The following RGS6 variants were observed in gnomAD, a reference collection of about 807,000 sequenced individuals.
RGS6 encodes regulator of G protein signaling 6.
In RGS6, 30 loss-of-function variants were observed where a neutral mutation model predicts 78.5. The ratio of observed to expected loss-of-function variants is 0.38; its 90% CI spans 0.29 to 0.52. The LOEUF is 0.52. Among genes scored for constraint, RGS6 ranks in the 20% least tolerant of loss-of-function variants. RGS6 has a pLI of 0.85. For missense variants in RGS6, 495 were observed against 609.7 expected (o/e 0.81, Z 1.98); for synonymous variants, 206 against 206.0 (o/e 1.00, Z 0.00).
At chr14:71,869,360 C>A in the RGS6 span, among the ~76,000 whole-genome samples, 1 of 152,218 alleles carries the variant, frequency 6.6e-6, no homozygotes, top group Non-Finnish European at 1.5e-5. Flanking sequence ...ATTAGAAAGG[C>A]TCTCAGCCCC....
At chr14:72,488,809 A>T (rs1367605234) in intron 12 of RGS6, among the ~76,000 whole-genome samples, 1 of 152,106 alleles carries the variant, frequency 6.6e-6, no homozygotes, top group Non-Finnish European at 1.5e-5. Flanking sequence ...ACAGGACCTG[A>T]CCTGGCTGGT....
intron 2 of RGS6, among the ~76,000 whole-genome samples, chr14:72,305,103 A>G (rs987063227): frequency 2.2e-4 from 34 of 152,132 alleles, no homozygotes; most frequent in Non-Finnish European, 4.6e-4. Context: ...GTGTCTTTTC[A>G]TATGCTTACA....
At chr14:71,924,910 T>A in the RGS6 span, among the ~76,000 whole-genome samples, 1 of 152,230 alleles carries the variant, frequency 6.6e-6, no homozygotes, top group Non-Finnish European at 1.5e-5. Context: ...TTCAGCATCA[T>A]GGATTTTATT....
chr14:72,118,886 A>T (rs1252903109), intron 2 of RGS6, among the ~76,000 whole-genome samples: 1 of 152,226 alleles, frequency 6.6e-6, no homozygotes, highest in Non-Finnish European at 1.5e-5. Context: ...AGAACTATGA[A>T]TTATCCAGAA....
At chr14:72,241,476 A>G (rs943140161) in intron 2 of RGS6, among the ~76,000 whole-genome samples, 1 of 152,154 alleles carries the variant, frequency 6.6e-6, no homozygotes, top group Admixed American at 6.5e-5. Context: ...TTATTCTAAG[A>G]AGGAACAAAA....
At chr14:72,244,260 C>CTT (rs10587768) in intron 2 of RGS6, among the ~76,000 whole-genome samples, 1 of 140,126 alleles carries the variant, frequency 7.1e-6, no homozygotes, top group African/African-American at 2.6e-5. Flanking sequence ...ATTTGTCTAA[C>CTT]TTTTTTTTTT....
intron 2 of RGS6, among the ~76,000 whole-genome samples, chr14:72,140,487 G>A (rs60554967): frequency 0.012 from 1,805 of 152,288 alleles, 41 homozygotes; most frequent in African/African-American, 0.041. Context: ...TAGGCCATAG[G>A]ACTCAGCAAG....
chr14:72,226,862 T>A (rs540183041), intron 2 of RGS6, among the ~76,000 whole-genome samples: 2 of 152,318 alleles, frequency 1.3e-5, no homozygotes, highest in Admixed American at 1.3e-4. Flanking sequence ...ATTTTTTGTA[T>A]TTTTAGTAGA....
At chr14:72,598,047 G>T in the RGS6 span, among the ~76,000 whole-genome samples, 2 of 152,216 alleles carry the variant, frequency 1.3e-5, no homozygotes, top group Admixed American at 6.5e-5. Context: ...AATCCCCAGT[G>T]CACAGGTGTT....
intron 2 of RGS6, among the ~76,000 whole-genome samples, chr14:72,080,650 G>A (rs1003779271): frequency 4.0e-5 from 6 of 151,878 alleles, no homozygotes; most frequent in South Asian, 2.1e-4. Context: ...TTACAGTTTC[G>A]AATCTTAGGT....
intron 3 of RGS6, among the ~76,000 whole-genome samples, chr14:72,424,845 G>A (rs1597342798): frequency 6.6e-6 from 1 of 152,186 alleles, no homozygotes; most frequent in Admixed American, 6.5e-5. Flanking sequence ...CTTTCCCTGT[G>A]CAGATGGTCT....
rs183416671 is a variant in RGS6 at position 72,151,771 on chromosome 14, A to G, written c.84+186896A>G. Among the ~76,000 whole-genome samples the G allele has an allele frequency of 9.2e-5, 14 of 152,324 alleles. No homozygotes were observed. In the East Asian group the frequency reaches 2.7e-3, roughly 29 times the overall value. ...GGTAAAAAGAGATTGAGGAGATTAC[A>G]TATCCCATGAGGCAGCAGTTTTTAA... On this transcript the variant is annotated intron_variant, in intron 2 of 17. Transcript: ENST00000553525.
In RGS6 at chr14:72,070,098, T is replaced by A. The variant is rs558580214; in HGVS notation, c.84+105223T>A. Among the ~76,000 whole-genome samples the A allele has an allele frequency of 9.2e-5, 14 of 152,288 alleles. No individual in the cohort carries two copies. In the South Asian group the frequency reaches 2.9e-3, roughly 32 times the overall value. On this transcript the variant is annotated intron_variant, in intron 2 of 17. Transcript: ENST00000553525. ...ATACATTTTGTTTTTTGTTAGTGTA[T>A]CTGATTTGCTGGCTGTCATTCATTG...
intron 17 of RGS6, among the ~76,000 whole-genome samples, chr14:72,560,813 TG>T (rs1243445662): frequency 7.0e-6 from 1 of 142,834 alleles, no homozygotes; most frequent in Admixed American, 6.7e-5. Context: ...TGTGTGTGTG[TG>T]TGTGTGTGTG....
intron 2 of RGS6, among the ~76,000 whole-genome samples, chr14:72,249,591 T>C (rs1420193061): frequency 6.6e-6 from 1 of 152,200 alleles, no homozygotes; most frequent in African/African-American, 2.4e-5. Flanking sequence ...TAATGAAATC[T>C]GATAAAGGAC....
At chr14:72,350,100 ACTCC>A (rs1210208706) in intron 2 of RGS6, among the ~76,000 whole-genome samples, 1 of 152,016 alleles carries the variant, frequency 6.6e-6, no homozygotes, top group Non-Finnish European at 1.5e-5. Flanking sequence ...TTGGGATAAA[ACTCC>A]CTCTTCAGTT....
In RGS6 at chr14:72,287,431, C is replaced by T. The variant is rs189364233; in HGVS notation, c.85-64664C>T. On this transcript the variant is annotated intron_variant, in intron 2 of 17. Coordinates refer to ENST00000553525, the MANE Select transcript of RGS6 (RefSeq NM_001204424.2). ...TTTTTCGTTAGTATAATGTTAACTG[C>T]GGGATTGTCATATGTGACCTTTTTT... is the stretch of plus-strand genomic sequence containing the variant. 3.2e-3 allele frequency among the ~76,000 whole-genome samples: 479 copies of T among 152,014 alleles called. 2 individuals are homozygous for T. Among genetic ancestry groups the T allele is most frequent in the African/African-American group, 0.011 (456 of 41,498 alleles).
intron 1 of RGS6, among the ~76,000 whole-genome samples, chr14:71,935,382 C>T (rs150491540): frequency 6.6e-6 from 1 of 152,056 alleles, no homozygotes; most frequent in Non-Finnish European, 1.5e-5. Context: ...TTATTCTAGT[C>T]AATTATTTCT....
At chr14:72,202,331 A>T (rs1020584863) in intron 2 of RGS6, among the ~76,000 whole-genome samples, 1 of 152,186 alleles carries the variant, frequency 6.6e-6, no homozygotes, top group Non-Finnish European at 1.5e-5. Context: ...TCTTAGGAAG[A>T]GGAGTGGCCA....
Sources: allele counts gnomAD v4.1 joint callset (sites outside exome capture counted in the v4.1 genomes callset), GRCh38; gene constraint gnomAD v4.1.1; transcripts MANE v1.5; gene names NCBI Gene and HGNC (gene_info 2026-07-23, HGNC 2026-07-21).